FOXK2: variants seen among roughly 807,000 people sequenced by gnomAD.
FOXK2 encodes forkhead box protein K2.
A neutral mutation model predicts 53.3 loss-of-function variants in FOXK2; 24 were observed. That is an observed-to-expected ratio of 0.45 (90% confidence interval 0.33 to 0.63). The LOEUF (loss-of-function observed/expected upper bound fraction) is 0.63, where lower values mean the gene tolerates loss of function less well. FOXK2 is among the 30% of genes least tolerant of loss of function. The pLI is 0.03. For missense variants in FOXK2, 952 were observed against 910.5 expected (o/e 1.05, Z -0.59); for synonymous variants, 505 against 407.1 (o/e 1.24, Z -2.89).
intron 1 of FOXK2, among the ~76,000 whole-genome samples, chr17:82,537,619 CAA>C (rs963026198): frequency 0.082 from 4,291 of 52,620 alleles, 56 homozygotes; most frequent in African/African-American, 0.16. Context: ...GACTCCATCT[CAA>C]AAAAAAAAAA....
At chr17:82,586,767 G>A (rs532340156) in intron 7 of FOXK2, among the ~76,000 whole-genome samples, 47 of 152,212 alleles carry the variant, frequency 3.1e-4, no homozygotes, top group African/African-American at 1.1e-3. Flanking sequence ...TGGGCATGGT[G>A]GCGGGTGCCT....
intron 8 of FOXK2, chr17:82,596,059 G>C (rs575317386): frequency 9.0e-7 from 1 of 1,108,556 alleles, no homozygotes; most frequent in Non-Finnish European, 1.1e-6. Context: ...CAGTGGCCCC[G>C]GCTGTCTGCA....
At chr17:82,577,509 AG>A (rs1311390683) in intron 4 of FOXK2, 1 of 258,736 alleles carries the variant, frequency 3.9e-6, no homozygotes, top group Non-Finnish European at 7.4e-6. Flanking sequence ...CTGCCCAGTC[AG>A]GGCAGCACCT....
chr17:82,569,369 T>C (rs1305385257), intron 3 of FOXK2, among the ~76,000 whole-genome samples: 2 of 152,118 alleles, frequency 1.3e-5, no homozygotes, highest in East Asian at 3.9e-4. Context: ...CAGATCTAAG[T>C]TGTATTGTTT....
At chr17:82,549,228 G>A (rs1305206603) in intron 1 of FOXK2, among the ~76,000 whole-genome samples, 1 of 152,186 alleles carries the variant, frequency 6.6e-6, no homozygotes, top group Non-Finnish European at 1.5e-5. Flanking sequence ...GTGCTCCTGA[G>A]CCAGCCTTTA....
intron 4 of FOXK2, among the ~76,000 whole-genome samples, chr17:82,575,809 A>C (rs1483761905): frequency 6.6e-6 from 1 of 152,180 alleles, no homozygotes; most frequent in African/African-American, 2.4e-5. Flanking sequence ...AAGTACTGAA[A>C]CTGACCCATG....
chr17:82,535,129 C>T (rs916144371), intron 1 of FOXK2, among the ~76,000 whole-genome samples: 1 of 152,234 alleles, frequency 6.6e-6, no homozygotes, highest in East Asian at 1.9e-4. Flanking sequence ...ATCCACCTGC[C>T]TCAGCCTCCT....
intron 1 of FOXK2, among the ~76,000 whole-genome samples, chr17:82,554,032 C>T (rs1273505031): frequency 1.3e-5 from 2 of 152,100 alleles, no homozygotes; most frequent in African/African-American, 4.8e-5. Flanking sequence ...TGGGGTTTCA[C>T]CATGTTAGCC....
At chr17:82,593,786 G>A (rs2045280807) in intron 8 of FOXK2, 1 of 152,310 alleles carries the variant, frequency 6.6e-6, no homozygotes, top group South Asian at 2.1e-4. Flanking sequence ...TGGTCCCACA[G>A]TGACGATGGG....
At position 82,601,677 on chromosome 17, in the gene FOXK2, A is replaced by C; in HGVS notation, c.*178A>C. The C allele has an allele frequency of 1.7e-6, 1 of 578,856 alleles. No homozygotes were observed. The highest frequency in any genetic ancestry group is 3.0e-6 in the Non-Finnish European group (1 of 334,900). The allele number at this position is 578,856 out of a possible 1,614,324, so 35.9% of individuals were successfully genotyped here. On this transcript the variant is annotated 3_prime_UTR_variant, in exon 9 of 9. Transcript: ENST00000335255. Reference sequence around the variant, plus strand: ...AAGACAGAAGTCACACTTGAACAAAACCCACACACAACAAAACCTGATTTG... The same window carrying C: ...AAGACAGAAGTCACACTTGAACAAACCCCACACACAACAAAACCTGATTTG...
intron 1 of FOXK2, among the ~76,000 whole-genome samples, chr17:82,550,197 AACACAC>A (rs144639667): frequency 1.3e-5 from 2 of 150,868 alleles, no homozygotes; most frequent in Non-Finnish European, 3.0e-5. Context: ...TCTCTAAACA[AACACAC>A]ACACACACAC....
intron 1 of FOXK2, among the ~76,000 whole-genome samples, chr17:82,549,090 C>T (rs1262399943): frequency 1.1e-4 from 16 of 152,198 alleles, no homozygotes; most frequent in Admixed American, 6.6e-4. Flanking sequence ...AAACACATCC[C>T]GAATGACTGA....
intron 1 of FOXK2, among the ~76,000 whole-genome samples, chr17:82,524,239 A>C (rs2044395749): frequency 6.6e-6 from 1 of 152,268 alleles, no homozygotes; most frequent in South Asian, 2.1e-4. Flanking sequence ...TACTAAATTT[A>C]ACATCACTGT....
chr17:82,579,663 T>A (rs1302120128), intron 4 of FOXK2, among the ~76,000 whole-genome samples: 1 of 45,184 alleles, frequency 2.2e-5, no homozygotes, highest in Non-Finnish European at 4.1e-5. Context: ...GGCCTAGCCC[T>A]CCTCTCCATG....
chr17:82,575,672 T>C (rs1247937931), intron 4 of FOXK2, among the ~76,000 whole-genome samples: 3 of 152,202 alleles, frequency 2.0e-5, no homozygotes, highest in Non-Finnish European at 4.4e-5. Context: ...GTGGAACTTT[T>C]ATGTAGAGGA....
chr17:82,542,314 A>G (rs1384543761), intron 1 of FOXK2, among the ~76,000 whole-genome samples: 1 of 151,766 alleles, frequency 6.6e-6, no homozygotes, highest in African/African-American at 2.4e-5. Flanking sequence ...GGTGCGCACT[A>G]CCAGGCCCAG....
Position 82,544,770 on chromosome 17 carries a change from G to A in FOXK2, c.420-18584G>A, listed in dbSNP as rs919786542. On this transcript the variant is annotated intron_variant, in intron 1 of 8. Transcript: ENST00000335255. ...ACTCCAGGCAAGTCGCTGTGGGAGG[G>A]GTGTGCAGAGTGAAGTGCTGGCGGG... Among the ~76,000 whole-genome samples, 8 of 152,158 alleles carry A rather than the reference G, an allele frequency of 5.3e-5. 1 individual carries two copies. Among genetic ancestry groups the A allele is most frequent in the African/African-American group, 1.4e-4 (6 of 41,524 alleles).
intron 1 of FOXK2, among the ~76,000 whole-genome samples, chr17:82,548,721 A>C (rs1344314276): frequency 6.6e-6 from 1 of 152,168 alleles, no homozygotes; most frequent in Non-Finnish European, 1.5e-5. Flanking sequence ...GACTGAATAG[A>C]GGAAGGAAAG....
chr17:82,535,333 T>G (rs977155916), intron 1 of FOXK2, among the ~76,000 whole-genome samples: 1 of 152,272 alleles, frequency 6.6e-6, no homozygotes, highest in African/African-American at 2.4e-5. Flanking sequence ...TTATCCTACT[T>G]GGAGTTTGTT....
Sources: allele counts gnomAD v4.1 joint callset (sites outside exome capture counted in the v4.1 genomes callset), GRCh38; gene constraint gnomAD v4.1.1; transcripts MANE v1.5; gene names NCBI Gene and HGNC (gene_info 2026-07-23, HGNC 2026-07-21).